The following RORB variants were observed in gnomAD, a reference collection of about 807,000 sequenced individuals.
RORB encodes the protein RAR related orphan receptor B.
RORB carries 6 observed loss-of-function variants against 59.1 expected under a neutral mutation model. That is an observed-to-expected ratio of 0.10 (90% CI 0.06 to 0.20). The LOEUF (loss-of-function observed/expected upper bound fraction) is 0.20, where lower values mean the gene tolerates loss of function less well. RORB is among the 10% of genes least tolerant of loss of function. The pLI is 1.00. For synonymous variants in RORB, 215 were observed against 204.5 expected (o/e 1.05, Z -0.44); for missense variants, 320 against 560.5 (o/e 0.57, Z 4.33).
chr9:74,646,129 CAA>C lies in RORB; in HGVS notation c.637+3327_637+3328del, dbSNP rs33997487. Among the ~76,000 whole-genome samples, 188 of 148,168 alleles carry C rather than the reference CAA, an allele frequency of 1.3e-3. 1 individual carries two copies. Among genetic ancestry groups the C allele is most frequent in the South Asian group, 3.9e-3 (18 of 4,660 alleles). On this transcript the variant is annotated intron_variant, in intron 4 of 9. Coordinates refer to ENST00000376896, the MANE Select transcript of RORB (RefSeq NM_006914.4). ...GGGTGAATTTGAGATTATGTCACAC[CAA>C]AAAAAAAAAAAATTTAACATCACCC... is the stretch of plus-strand genomic sequence containing the variant.
intron 1 of RORB, among the ~76,000 whole-genome samples, chr9:74,614,561 T>C (rs1049017835): frequency 3.3e-5 from 5 of 152,008 alleles, no homozygotes; most frequent in Middle Eastern, 3.2e-3. Context: ...TAGAACATCA[T>C]GTTGTATATT....
At chr9:74,518,141 T>TCTGAGG (rs1317676894) in intron 1 of RORB, among the ~76,000 whole-genome samples, 1 of 152,014 alleles carries the variant, frequency 6.6e-6, no homozygotes, top group South Asian at 2.1e-4. Context: ...CTCAGAGGTC[T>TCTGAGG]TTTCTGGGGT....
chr9:74,617,379 T>G (rs1421622780), intron 1 of RORB, among the ~76,000 whole-genome samples: 2 of 152,182 alleles, frequency 1.3e-5, no homozygotes, highest in African/African-American at 4.8e-5. Context: ...CTCACTACTT[T>G]TTGTGGCAAT....
chr9:74,561,736 A>G (rs1822399098), intron 1 of RORB, among the ~76,000 whole-genome samples: 1 of 152,222 alleles, frequency 6.6e-6, no homozygotes, highest in East Asian at 1.9e-4. Context: ...CATTGGTACA[A>G]TACTACTAAT....
intron 1 of RORB, among the ~76,000 whole-genome samples, chr9:74,551,173 G>T (rs1826602558): frequency 6.6e-6 from 1 of 151,990 alleles, no homozygotes; most frequent in Non-Finnish European, 1.5e-5. Flanking sequence ...GTCTGAGGGG[G>T]GATATATTCC....
At chr9:74,499,306 C>A (rs987504200) in intron 1 of RORB, among the ~76,000 whole-genome samples, 3 of 152,174 alleles carry the variant, frequency 2.0e-5, no homozygotes, top group Non-Finnish European at 4.4e-5. Context: ...GAAAGTGATC[C>A]TCTCCCACCC....
chr9:74,624,335 G>GTGCAC (rs1823472392), intron 1 of RORB, among the ~76,000 whole-genome samples: 1 of 152,146 alleles, frequency 6.6e-6, no homozygotes, highest in African/African-American at 2.4e-5. Flanking sequence ...AGAAATTAGA[G>GTGCAC]TGCACTGAAT....
intron 3 of RORB, among the ~76,000 whole-genome samples, chr9:74,636,894 A>G (rs907155844): frequency 6.6e-6 from 1 of 152,174 alleles, no homozygotes; most frequent in African/African-American, 2.4e-5. Flanking sequence ...CCTTGATTAG[A>G]AAGGGTGCCT....
At chr9:74,643,959 A>T (rs1015848715) in intron 4 of RORB, among the ~76,000 whole-genome samples, 1 of 152,236 alleles carries the variant, frequency 6.6e-6, no homozygotes, top group African/African-American at 2.4e-5. Context: ...GTAAAGCTTA[A>T]ATGAGTTAAT....
chr9:74,580,700 A>G (rs532820237), intron 1 of RORB, among the ~76,000 whole-genome samples: 1 of 152,170 alleles, frequency 6.6e-6, no homozygotes, highest in South Asian at 2.1e-4. Context: ...TAAACTGCTG[A>G]TCCCAACCAA....
At chr9:74,596,677 A>C (rs1349010768) in intron 1 of RORB, among the ~76,000 whole-genome samples, 1 of 152,060 alleles carries the variant, frequency 6.6e-6, no homozygotes, top group Non-Finnish European at 1.5e-5. Flanking sequence ...CCCTGAGCTC[A>C]CTCCAAGTTT....
intron 1 of RORB, among the ~76,000 whole-genome samples, chr9:74,534,002 T>C (rs1431034799): frequency 2.0e-5 from 3 of 152,034 alleles, no homozygotes; most frequent in African/African-American, 7.2e-5. Context: ...GGTATCAGGA[T>C]AGCCGTTCTA....
chr9:74,667,444 C>T (rs1309544667), intron 7 of RORB, among the ~76,000 whole-genome samples: 1 of 152,102 alleles, frequency 6.6e-6, no homozygotes, highest in African/African-American at 2.4e-5. Flanking sequence ...GTAAAGGATC[C>T]CCAAATCACT....
chr9:74,530,574 G>A (rs867107156), intron 1 of RORB, among the ~76,000 whole-genome samples: 5 of 152,008 alleles, frequency 3.3e-5, no homozygotes, highest in Middle Eastern at 6.8e-3. Context: ...AAACACCTAC[G>A]GCTTGTGGTT....
chr9:74,671,891 C>A lies in RORB; in HGVS notation c.1214C>A (p.Thr405Asn). 1.2e-6 allele frequency: 2 copies of A among 1,602,390 alleles called. No individual in the cohort carries two copies. The highest frequency in any genetic ancestry group is 1.1e-5 in the South Asian group (1 of 90,174). Residue 405 changes from threonine (T) to asparagine (N), a missense_variant, in exon 9 of 10, where the codon ACC becomes AAC. Transcript: ENST00000376896. ...CAGAAGAATCACCTGGATGATGAGA[C>A]CTTGGCAAAGGTAGGTCCACAGATC... ...VIQKNHLDDE[T>N]LAKLIAKIPT...
At chr9:74,509,102 A>C (rs1825902897) in intron 1 of RORB, among the ~76,000 whole-genome samples, 1 of 152,084 alleles carries the variant, frequency 6.6e-6, no homozygotes, top group Non-Finnish European at 1.5e-5. Context: ...ATAGAGAATA[A>C]TACAGTAAAA....
chr9:74,642,768 C>G lies in RORB; in HGVS notation c.590C>G (p.Ser197Cys). The G allele has an allele frequency of 6.2e-7, 1 of 1,611,824 alleles. No individual in the cohort carries two copies. Among genetic ancestry groups the G allele is most frequent in the Non-Finnish European group, 8.5e-7 (1 of 1,178,422 alleles). ...TSVPNLFTYSSFNNGQLAPGI... is the reference protein window; with the variant it reads ...TSVPNLFTYSCFNNGQLAPGI... ...GTACCCAACTTGTTTACCTATAGCTCTTTCAACAATGGGCAGTTAGCACCA... is the reference window on the plus strand; with the variant it reads ...GTACCCAACTTGTTTACCTATAGCTGTTTCAACAATGGGCAGTTAGCACCA... Residue 197 changes from serine to cysteine, a missense_variant, in exon 4 of 10, where the codon TCT becomes TGT. Physicochemically the swap from Ser to Cys is moderately radical, Grantham distance 112. Transcript: ENST00000376896.
chr9:74,621,012 A>G (rs1212125067), intron 1 of RORB, among the ~76,000 whole-genome samples: 1 of 152,210 alleles, frequency 6.6e-6, no homozygotes, highest in Non-Finnish European at 1.5e-5. Context: ...AAAATAATTG[A>G]GCAAATAGTA....
chr9:74,615,548 C>T (rs1823298674), intron 1 of RORB: 3 of 447,160 alleles, frequency 6.7e-6, no homozygotes, highest in South Asian at 3.2e-5. Context: ...TTCAGACCTC[C>T]CCAGTGAAAA....
Sources: gnomAD v4.1 joint callset for allele counts (sites outside exome capture counted in the v4.1 genomes callset) on GRCh38, gnomAD v4.1.1 for gene constraint, MANE v1.5 for transcripts, NCBI Gene and HGNC (gene_info 2026-07-23, HGNC 2026-07-21) for gene names.